Variants in DARS2 observed in about 807,000 individuals in gnomAD.
DARS2 encodes the protein aspartate--tRNA ligase, mitochondrial.
A neutral mutation model predicts 83.0 loss-of-function variants in DARS2; 63 were observed. The observed-to-expected ratio is 0.76, with a 90% confidence interval of 0.62 to 0.94. DARS2 has a LOEUF of 0.94. Among genes scored for constraint, DARS2 ranks in the 40% least tolerant of loss-of-function variants. The pLI, the probability that DARS2 is intolerant of heterozygous loss-of-function variation, is 0.00. For synonymous variants in DARS2, 250 were observed against 269.3 expected (o/e 0.93, Z 0.70); for missense variants, 675 against 774.4 (o/e 0.87, Z 1.52).
intron 13 of DARS2, 140 bp downstream of exon 13, chr1:173,850,619 T>G: frequency 9.6e-7 from 1 of 1,043,572 alleles, no homozygotes; most frequent in Non-Finnish European, 1.3e-6. Context: ...TTTTTTTTTT[T>G]TTAAGAGACG....
intron 12 of DARS2, among the ~76,000 whole-genome samples, chr1:173,845,644 A>C (rs1007815981): frequency 2.0e-5 from 3 of 151,810 alleles, no homozygotes; most frequent in Non-Finnish European, 4.4e-5. Context: ...TGGGAGAATC[A>C]CCTGAGCCTG....
At chr1:173,844,628 C>T (rs930119230) in intron 11 of DARS2, among the ~76,000 whole-genome samples, 15 of 120,624 alleles carry the variant, frequency 1.2e-4, no homozygotes, top group Non-Finnish European at 2.2e-4. Flanking sequence ...TGAGATCACG[C>T]CACTGTACTC....
chr1:173,842,304 TTTTTTTTTTTTTTA>T (rs1653255747), intron 11 of DARS2, among the ~76,000 whole-genome samples: 2 of 122,630 alleles, frequency 1.6e-5, no homozygotes, highest in Non-Finnish European at 1.7e-5. Context: ...TTTTTTTTTT[TTTTTTTTTTTTTTA>T]GAGTGAGTCT....
chr1:173,831,443 C>T, intron 4 of DARS2, 92 bp from the exon 5 acceptor site: 2 of 972,940 alleles, frequency 2.1e-6, no homozygotes, highest in Non-Finnish European at 3.4e-6. Flanking sequence ...GCACATTTTA[C>T]ATATGTAAAT....
rs1652670063 is a variant in DARS2 at position 173,828,323 on chromosome 1, C to CA, written c.228-9dup. ...TTAAAATGTTTCTTTTCCCCCCCCC[C>CA]ATTAATCAGGCAAAACACATTCTTG... On this transcript the variant is annotated splice_polypyrimidine_tract_variant and intron_variant, in intron 2 of 16. Coordinates refer to ENST00000649689, the MANE Select transcript of DARS2 (RefSeq NM_018122.5). The CA allele has an allele frequency of 7.4e-7, 1 of 1,355,174 alleles. No individual in the cohort carries two copies. The highest frequency in any genetic ancestry group is 1.0e-6 in the Non-Finnish European group (1 of 972,264). The allele number at this position is 1,355,174 out of a possible 1,614,324, so 83.9% of individuals were successfully genotyped here. A position where few individuals can be genotyped will look rare whatever the true frequency, so the allele number is the denominator to read the frequency against.
chr1:173,847,971 G>A (rs1045375960), intron 12 of DARS2, among the ~76,000 whole-genome samples: 27 of 148,484 alleles, frequency 1.8e-4, no homozygotes, highest in African/African-American at 6.2e-4. Flanking sequence ...TTCTGCCTCA[G>A]CCTCCTGACT....
chr1:173,836,054 C>G (rs1027909869), intron 7 of DARS2, among the ~76,000 whole-genome samples: 1 of 150,666 alleles, frequency 6.6e-6, no homozygotes, highest in African/African-American at 2.4e-5. Context: ...AAGACTCCGT[C>G]TCAAAAAAAA....
chr1:173,841,146 G>A (rs967873236), intron 11 of DARS2, among the ~76,000 whole-genome samples, 173 bp downstream of exon 11: 14 of 152,056 alleles, frequency 9.2e-5, no homozygotes, highest in African/African-American at 7.2e-5. Flanking sequence ...AGGCCGAGGC[G>A]TGTGGATCAC....
chr1:173,836,359 G>A (rs966186824), intron 7 of DARS2, among the ~76,000 whole-genome samples: 2 of 151,864 alleles, frequency 1.3e-5, no homozygotes, highest in African/African-American at 4.8e-5. Context: ...GGCCAACATG[G>A]CGAAACCCCG....
chr1:173,836,906 ATC>A, intron 7 of DARS2, 32 bp from the exon 8 acceptor site: 2 of 1,584,422 alleles, frequency 1.3e-6, no homozygotes, highest in Non-Finnish European at 1.7e-6. Context: ...TTTTTTAATA[ATC>A]TGTCTTCTCT....
intron 6 of DARS2, among the ~76,000 whole-genome samples, chr1:173,833,828 C>A (rs1187114356): frequency 6.6e-6 from 1 of 151,572 alleles, no homozygotes; most frequent in Non-Finnish European, 1.5e-5. Context: ...GGCATTACCA[C>A]AACTCACTGC....
chr1:173,858,429 A>G lies in DARS2; in HGVS notation c.*724A>G, dbSNP rs1321272782. 1 of 152,340 alleles carries G rather than the reference A, an allele frequency of 6.6e-6. No homozygotes were observed. The highest frequency in any genetic ancestry group is 1.5e-5 in the Non-Finnish European group (1 of 68,132). The allele number at this position is 152,340 out of a possible 1,614,324, so 9.4% of individuals were successfully genotyped here. On this transcript the variant is annotated 3_prime_UTR_variant, in exon 17 of 17. Transcript: ENST00000649689. ...AAAGTACTTTGAAAAACTATAAAGC[A>G]TTCCACAAATATGAGATGATGGTAT...
At chr1:173,836,890 T>C (rs774461774) in intron 7 of DARS2, 50 bp from the exon 8 acceptor site, 14 of 1,519,628 alleles carry the variant, frequency 9.2e-6, no homozygotes, top group South Asian at 3.4e-5. Context: ...TTTGGGTTTG[T>C]TTTTGTTTTT....
intron 4 of DARS2, 134 bp downstream of exon 4, chr1:173,830,895 T>A: frequency 1.4e-6 from 1 of 722,392 alleles, no homozygotes; most frequent in South Asian, 1.5e-5. Flanking sequence ...CTGACAGATT[T>A]CAAAATCTTG....
Position 173,830,753 on chromosome 1 carries a change from G to A in DARS2, c.388G>A (p.Glu130Lys). The change falls in exon 4 of 17, where the codon GAG becomes AAG. Residue 130 changes from glutamate (E) to lysine (K), a missense_variant. Physicochemically the swap from Glu to Lys is moderately conservative, Grantham distance 56 (BLOSUM62 1). Coordinates refer to ENST00000649689, the MANE Select transcript of DARS2 (RefSeq NM_018122.5). Reference sequence around the variant, plus strand: ...AGTCATTTCCCGTCCTGCAGGACAAGAGAATCCAGTAGGTAGTTTCGAAGA... The same window carrying A: ...AGTCATTTCCCGTCCTGCAGGACAAAAGAATCCAGTAGGTAGTTTCGAAGA... ...GTVISRPAGQ[E>K]NPKMPTGEIE... The A allele has an allele frequency of 1.2e-6, 2 of 1,613,526 alleles. No individual in the cohort carries two copies. The highest frequency in any genetic ancestry group is 1.7e-6 in the Non-Finnish European group (2 of 1,179,480).
At chr1:173,847,427 T>C (rs1653478099) in intron 12 of DARS2, among the ~76,000 whole-genome samples, 1 of 152,098 alleles carries the variant, frequency 6.6e-6, no homozygotes. Context: ...ATTATTACAT[T>C]TTCTTCTTTC....
chr1:173,857,286 C>T (rs1281823452), intron 16 of DARS2, among the ~76,000 whole-genome samples: 1 of 152,130 alleles, frequency 6.6e-6, no homozygotes, highest in Non-Finnish European at 1.5e-5. Context: ...ACACTAATCG[C>T]TGTGACAATC....
chr1:173,831,985 G>C (rs1049849035), intron 5 of DARS2, among the ~76,000 whole-genome samples: 4 of 152,138 alleles, frequency 2.6e-5, no homozygotes, highest in African/African-American at 9.7e-5. Context: ...TGGGACAGGG[G>C]ATCCTGTATC....
chr1:173,850,597 G>A, intron 13 of DARS2, 118 bp downstream of exon 13: 1 of 1,056,692 alleles, frequency 9.5e-7, no homozygotes, highest in Non-Finnish European at 1.3e-6. Flanking sequence ...GAGCTGCTCT[G>A]CATAAATCTT....
Sources: allele counts gnomAD v4.1 joint callset (sites outside exome capture counted in the v4.1 genomes callset), GRCh38; gene constraint gnomAD v4.1.1; transcripts MANE v1.5; gene names NCBI Gene and HGNC (gene_info 2026-07-23, HGNC 2026-07-21).